Variants in TYK2 observed in about 807,000 individuals in gnomAD.
The protein encoded by TYK2 is tyrosine kinase 2.
In TYK2, 65 loss-of-function variants were observed where a neutral mutation model predicts 130.9. The ratio of observed to expected loss-of-function variants is 0.50; its 90% CI spans 0.41 to 0.61. TYK2 has a LOEUF of 0.61. TYK2 is among the 20% of genes least tolerant of loss of function. The pLI is 0.00. For synonymous variants in TYK2, 647 were observed against 658.9 expected, an observed-to-expected ratio of 0.98 and a Z score of 0.28; for missense variants, 1,378 against 1,610.7, an observed-to-expected ratio of 0.86 and a Z score of 2.47.
intron 3 of TYK2, among the ~76,000 whole-genome samples, chr19:10,376,069 A>G (rs1165180499): frequency 1.3e-5 from 2 of 149,624 alleles, no homozygotes; most frequent in African/African-American, 4.9e-5. Flanking sequence ...CTGGAGTACA[A>G]TGGCACGATC....
chr19:10,355,095 C>A (rs2041023162), intron 18 of TYK2, among the ~76,000 whole-genome samples: 3 of 151,088 alleles, frequency 2.0e-5, no homozygotes, highest in South Asian at 4.2e-4. Context: ...TCTGGAAGTT[C>A]CGAGATTGGG....
chr19:10,371,600 C>G (rs1184330343), intron 3 of TYK2, among the ~76,000 whole-genome samples: 1 of 151,928 alleles, frequency 6.6e-6, no homozygotes, highest in Non-Finnish European at 1.5e-5. Flanking sequence ...CGTGCTATTG[C>G]ACTCCAACCT....
chr19:10,364,682 GT>G lies in TYK2; in HGVS notation c.1298del (p.Tyr433SerfsTer12). The G allele has an allele frequency of 6.2e-7, 1 of 1,613,882 alleles. No homozygotes were observed. Among genetic ancestry groups the G allele is most frequent in the Non-Finnish European group, 8.5e-7 (1 of 1,180,002 alleles). On this transcript the variant is annotated frameshift_variant, in exon 9 of 25. Coordinates refer to ENST00000525621, the MANE Select transcript of TYK2 (RefSeq NM_003331.5). LOFTEE classifies it high-confidence loss of function. This position sits in a 1 kb window ranked among gnomAD's most constrained non-coding sequence, Gnocchi z 4.9. ...GTGGGGGAGCCACCTCGTGGCACAG[GT>G]AGTGGCTGGAGTCGGCCGTCAGGCG... Reference protein sequence around the residue: ...YFRLTADSSHYLCHEVAPPRL... With the variant: ...YFRLTADSSHXLCHEVAPPRL...
chr19:10,362,571 AG>A lies in TYK2; in HGVS notation c.1453del (p.Leu485SerfsTer54). ...WSTSHPYRLI[L>X]TVAQRSQAPD... ...CACCTGGCTACGCTGGGCCACTGTGAGGATCAGGCGGTAGGGGTGGCTGGTG... is the reference window on the plus strand; with the variant it reads ...CACCTGGCTACGCTGGGCCACTGTGAGATCAGGCGGTAGGGGTGGCTGGTG... On this transcript the variant is annotated frameshift_variant, in exon 10 of 25. Transcript: ENST00000525621. LOFTEE classifies it high-confidence loss of function. 6.4e-7 allele frequency: 1 copy of A among 1,554,834 alleles called. No homozygotes were observed. Among genetic ancestry groups the A allele is most frequent in the Non-Finnish European group, 8.7e-7 (1 of 1,148,838 alleles).
At position 10,350,667 on chromosome 19, in the gene TYK2, G is replaced by T. The variant is rs992395063; in HGVS notation, c.*167C>A. 3 of 786,566 alleles carry T rather than the reference G, an allele frequency of 3.8e-6. No individual in the cohort carries two copies. The Admixed American group carries it at 8.6e-5, about 23-fold the overall frequency. 48.7% of individuals were successfully genotyped at this position (786,566 alleles called of 1,614,324 possible). A position where few individuals can be genotyped will look rare whatever the true frequency, so the allele number is the denominator to read the frequency against. On this transcript the variant is annotated 3_prime_UTR_variant, in exon 25 of 25. Coordinates refer to ENST00000525621, the MANE Select transcript of TYK2 (RefSeq NM_003331.5). ...AGATCATGGTTAGGCTCACGGCCAA[G>T]AAAGAAAAATAAGTTCACAGAGGTG...
At chr19:10,360,921 A>C in intron 14 of TYK2, 1 of 246,348 alleles carries the variant, frequency 4.1e-6, no homozygotes, top group Admixed American at 5.5e-5. Context: ...CCTGGCCCTG[A>C]TTTTTAAATT....
rs1324891029 is a variant in TYK2 at position 10,362,074 on chromosome 19, C to A, written c.1773+4G>T. 6.2e-7 allele frequency: 1 copy of A among 1,614,078 alleles called. No homozygotes were observed. The highest frequency in any genetic ancestry group is 8.5e-7 in the Non-Finnish European group (1 of 1,179,984). On this transcript the variant is annotated splice_donor_region_variant and intron_variant, in intron 12 of 24. Coordinates refer to ENST00000525621, the MANE Select transcript of TYK2 (RefSeq NM_003331.5). ...CTTGCCCCGGGCCCCTTCCCTGCAC[C>A]CACCTGGGTGATCTCCTTCTGGTCA...
chr19:10,361,874 C>A lies in TYK2; in HGVS notation c.1855G>T (p.Gly619Cys). Reference sequence around the variant, plus strand: ...AGGGGGTCCTCGTCATCCATCTTGCCCTCCTCAGGGTCCCCGCTGCCCTCC... The same window carrying A: ...AGGGGGTCCTCGTCATCCATCTTGCACTCCTCAGGGTCCCCGCTGCCCTCC... ...RVEGSGDPEE[G>C]KMDDEDPLVP... The change falls in exon 13 of 25, where the codon GGC (glycine) becomes TGC (cysteine). Residue 619 changes from glycine (G) to cysteine (C), a missense_variant. By Grantham distance (159) the Gly-to-Cys change is radical. Transcript: ENST00000525621. The surrounding 1 kb of genome is among the most constrained non-coding windows in gnomAD (Gnocchi z 4.0). 1 of 1,614,086 alleles carries A rather than the reference C, an allele frequency of 6.2e-7. No homozygotes were observed. The highest frequency in any genetic ancestry group is 8.5e-7 in the Non-Finnish European group (1 of 1,180,016).
chr19:10,367,979 A>G, intron 5 of TYK2, 76 bp downstream of exon 5: 1 of 1,543,818 alleles, frequency 6.5e-7, no homozygotes, highest in South Asian at 1.1e-5. Flanking sequence ...ATATTGAATC[A>G]GGGAGGGAAA....
chr19:10,364,958 T>C lies in TYK2; in HGVS notation c.1102A>G (p.Arg368Gly). ...TAGGCCCACAGTGGCTCCCGCGGCC[T>C]GTCTGCCGGCTGGCCGACTGCCTTG... Reference protein sequence around the residue: ...AHKAVGQPADRPREPLWAYFC... With the variant: ...AHKAVGQPADGPREPLWAYFC... The change falls in exon 8 of 25, where the codon AGG becomes GGG. Residue 368 changes from arginine (R) to glycine (G), a missense_variant. Arg to Gly is a moderately radical substitution (Grantham distance 125). Transcript: ENST00000525621. The surrounding 1 kb of genome is among the most constrained non-coding windows in gnomAD (Gnocchi z 4.9). 1 of 1,614,138 alleles carries C rather than the reference T, an allele frequency of 6.2e-7. No homozygotes were observed. The highest frequency in any genetic ancestry group is 8.5e-7 in the Non-Finnish European group (1 of 1,180,034).
intron 15 of TYK2, 115 bp from the exon 16 acceptor site, chr19:10,358,253 G>T: frequency 4.1e-6 from 4 of 971,020 alleles, no homozygotes; most frequent in Admixed American, 3.3e-5. Context: ...CTATCACTGG[G>T]TTTCTTTCTG....
At position 10,361,675 on chromosome 19, in the gene TYK2, C is replaced by G. The variant is rs1212651712; in HGVS notation, c.1960-77G>C. 4 of 1,579,774 alleles carry G rather than the reference C, an allele frequency of 2.5e-6. No homozygotes were observed. In the East Asian group the frequency reaches 9.1e-5, roughly 36 times the overall value. ...ACCTCCTCCACGGACACACCCCTCC[C>G]ATCCCACCTCCTCCACAGACACACC... On this transcript the variant is annotated intron_variant, in intron 13 of 24. Coordinates refer to ENST00000525621, the MANE Select transcript of TYK2 (RefSeq NM_003331.5). This position sits in a 1 kb window ranked among gnomAD's most constrained non-coding sequence, Gnocchi z 4.0.
intron 15 of TYK2, 110 bp from the exon 16 acceptor site, chr19:10,358,248 A>G (rs2041207815): frequency 9.4e-7 from 1 of 1,064,708 alleles, no homozygotes; most frequent in Non-Finnish European, 1.3e-6. Flanking sequence ...TGTGACTATC[A>G]CTGGGTTTCT....
At chr19:10,357,477 C>A (rs1382058853) in intron 17 of TYK2, 2 of 703,384 alleles carry the variant, frequency 2.8e-6, no homozygotes, top group South Asian at 1.5e-5. Context: ...GCCCTTCTTC[C>A]CCACTCTGCA....
intron 19 of TYK2, 31 bp downstream of exon 19, chr19:10,354,481 G>A (rs779224722): frequency 6.9e-6 from 11 of 1,597,102 alleles, no homozygotes; most frequent in Non-Finnish European, 9.4e-6. Flanking sequence ...CGACCAGGCG[G>A]GCCTTTTAGC....
intron 2 of TYK2, among the ~76,000 whole-genome samples, chr19:10,378,892 G>C (rs2042271871): frequency 1.3e-5 from 2 of 148,672 alleles, no homozygotes; most frequent in Admixed American, 6.8e-5. Context: ...TTTTGAGACA[G>C]AGTTTCACTC....
chr19:10,357,378 G>C, intron 17 of TYK2: 2 of 631,740 alleles, frequency 3.2e-6, no homozygotes, highest in Non-Finnish European at 5.7e-6. Context: ...AATTAGAGTG[G>C]AACTTCGTCT....
At position 10,353,291 on chromosome 19, in the gene TYK2, C is replaced by A. The variant is rs554315606; in HGVS notation, c.3028-193G>T. 1.9e-4 allele frequency: 110 copies of A among 579,740 alleles called. No individual in the cohort carries two copies. The highest frequency in any genetic ancestry group is 1.9e-3 in the African/African-American group (99 of 52,942). The allele number at this position is 579,740 out of a possible 1,614,324, so 35.9% of individuals were successfully genotyped here. A position where few individuals can be genotyped will look rare whatever the true frequency, so the allele number is the denominator to read the frequency against. Reference sequence around the variant, plus strand: ...GCCAGAAAGCAGGGACGGGGCTAGACGAGCAAAGCTGGGCAGGAGGGCGAG... The same window carrying A: ...GCCAGAAAGCAGGGACGGGGCTAGAAGAGCAAAGCTGGGCAGGAGGGCGAG... On this transcript the variant is annotated intron_variant, in intron 21 of 24. Coordinates refer to ENST00000525621, the MANE Select transcript of TYK2 (RefSeq NM_003331.5). This position sits in a 1 kb window ranked among gnomAD's most constrained non-coding sequence, Gnocchi z 6.9.
rs764918730 is a variant in TYK2, at chr19:10,378,424, C to G, written c.-18G>C. 3 of 1,605,372 alleles carry G rather than the reference C, an allele frequency of 1.9e-6. No homozygotes were observed. The highest frequency in any genetic ancestry group is 2.5e-6 in the Non-Finnish European group (3 of 1,179,586). ...AGAGGCATGCTCCCGGCAGGTGGCTCAGCTGGAAAGGGGACAATCTGTCAG... is the reference window on the plus strand; with the variant it reads ...AGAGGCATGCTCCCGGCAGGTGGCTGAGCTGGAAAGGGGACAATCTGTCAG... On this transcript the variant is annotated splice_region_variant and 5_prime_UTR_variant, in exon 3 of 25. Transcript: ENST00000525621.
Sources: allele counts gnomAD v4.1 joint callset (sites outside exome capture counted in the v4.1 genomes callset), GRCh38; gene constraint gnomAD v4.1.1; non-coding constraint Gnocchi (gnomAD v3.1); transcripts MANE v1.5; gene names NCBI Gene and HGNC (gene_info 2026-07-23, HGNC 2026-07-21).